GLP1R: variants seen among roughly 807,000 people sequenced by gnomAD.
The protein encoded by GLP1R is glucagon like peptide 1 receptor.
GLP1R carries 32 observed loss-of-function variants against 68.4 expected under a neutral mutation model. The ratio of observed to expected loss-of-function variants is 0.47; its 90% CI spans 0.35 to 0.63. GLP1R has a LOEUF of 0.63. GLP1R is among the 20% of genes least tolerant of loss of function. GLP1R has a pLI of 0.00. For synonymous variants in GLP1R, 263 were observed against 244.4 expected (o/e 1.08, Z -0.71); for missense variants, 502 against 594.9 (o/e 0.84, Z 1.62).
At chr6:39,081,044 G>A (rs1482034270) in intron 12 of GLP1R, among the ~76,000 whole-genome samples, 3 of 151,878 alleles carry the variant, frequency 2.0e-5, no homozygotes, top group Non-Finnish European at 4.4e-5. Flanking sequence ...GGTAGTGACT[G>A]TCACTTACAA....
intron 1 of GLP1R, among the ~76,000 whole-genome samples, chr6:39,053,608 C>T (rs971768688): frequency 4.6e-5 from 7 of 152,180 alleles, no homozygotes; most frequent in African/African-American, 1.7e-4. Context: ...CCATCCTAAG[C>T]ATTAACTCAG....
intron 5 of GLP1R, among the ~76,000 whole-genome samples, chr6:39,072,136 T>G (rs1393625618): frequency 6.6e-6 from 1 of 152,242 alleles, no homozygotes; most frequent in Non-Finnish European, 1.5e-5. Context: ...TGTCCATAGA[T>G]TTCTTGAATT....
rs1768714044 is a variant in GLP1R, at chr6:39,072,909, C to T, written c.557C>T (p.Ser186Phe). 5 of 1,614,110 alleles carry T rather than the reference C, an allele frequency of 3.1e-6. No homozygotes were observed. Among genetic ancestry groups the T allele is most frequent in the Non-Finnish European group, 3.4e-6 (4 of 1,179,930 alleles). Residue 186 changes from serine to phenylalanine, a missense_variant, in exon 6 of 13, where the codon TCC becomes TTC. Ser to Phe is a radical substitution (Grantham distance 155, BLOSUM62 -2). Transcript: ENST00000373256. ...RNYIHLNLFA[S>F]FILRALSVFI... ...TACATCCACCTGAACCTGTTTGCAT[C>T]CTTCATCCTGCGAGCATTGTCCGTC... is the stretch of plus-strand genomic sequence containing the variant.
intron 3 of GLP1R, among the ~76,000 whole-genome samples, chr6:39,059,460 G>A (rs929669189): frequency 6.6e-6 from 1 of 152,116 alleles, no homozygotes; most frequent in African/African-American, 2.4e-5. Flanking sequence ...GCCCTCTGCT[G>A]TCTGGGCACA....
At chr6:39,078,625 T>C (rs1768900819) in intron 8 of GLP1R, among the ~76,000 whole-genome samples, 1 of 151,862 alleles carries the variant, frequency 6.6e-6, no homozygotes, top group African/African-American at 2.4e-5. Flanking sequence ...CTCCTGCAGG[T>C]TTTTCTGTAA....
At chr6:39,050,175 C>G (rs1370090810) in intron 1 of GLP1R, among the ~76,000 whole-genome samples, 3 of 152,210 alleles carry the variant, frequency 2.0e-5, no homozygotes, top group East Asian at 3.9e-4. Flanking sequence ...CAACCTCCCC[C>G]TTCCAAGACA....
chr6:39,066,531 A>G (rs9296278), intron 5 of GLP1R, among the ~76,000 whole-genome samples: 68,902 of 151,868 alleles, frequency 0.45, 16,276 homozygotes, highest in Non-Finnish European at 0.51. Flanking sequence ...GTACTGCAAA[A>G]AAGAACAAAA....
intron 3 of GLP1R, among the ~76,000 whole-genome samples, chr6:39,060,078 T>G (rs1768319632): frequency 6.6e-6 from 1 of 152,084 alleles, no homozygotes; most frequent in South Asian, 2.1e-4. Context: ...ACTCCCTGAG[T>G]TACGGATGCT....
intron 3 of GLP1R, among the ~76,000 whole-genome samples, chr6:39,063,398 C>A (rs142349815): frequency 2.6e-5 from 4 of 152,332 alleles, no homozygotes; most frequent in African/African-American, 9.6e-5. Flanking sequence ...CGTGCCTCCC[C>A]TTCTCTGCCG....
intron 12 of GLP1R, among the ~76,000 whole-genome samples, chr6:39,081,806 C>T (rs1329806052): frequency 6.6e-6 from 1 of 152,218 alleles, no homozygotes; most frequent in Non-Finnish European, 1.5e-5. Context: ...AGCTGTGTGA[C>T]TTTGCCTAAG....
At chr6:39,063,107 C>T (rs1768390845) in intron 3 of GLP1R, among the ~76,000 whole-genome samples, 1 of 152,212 alleles carries the variant, frequency 6.6e-6, no homozygotes, top group Non-Finnish European at 1.5e-5. Context: ...CCTGTGGTTC[C>T]ATGGCTGTGT....
chr6:39,080,560 C>T (rs896754369), intron 11 of GLP1R, 138 bp from the exon 12 acceptor site: 1 of 601,378 alleles, frequency 1.7e-6, no homozygotes, highest in African/African-American at 1.9e-5. Flanking sequence ...GCCACTGCCC[C>T]ATTCCTGGAT....
chr6:39,083,276 T>A (rs1769056657), intron 12 of GLP1R, among the ~76,000 whole-genome samples: 1 of 152,168 alleles, frequency 6.6e-6, no homozygotes. Flanking sequence ...CTGAGACTCC[T>A]CATGCCCTGG....
At chr6:39,080,364 A>G (rs2150837035) in intron 11 of GLP1R, among the ~76,000 whole-genome samples, 1 of 152,348 alleles carries the variant, frequency 6.6e-6, no homozygotes, top group African/African-American at 2.4e-5. Context: ...TCACTGGATC[A>G]GGCCTCCTCA....
chr6:39,065,394 C>T (rs1032801486), intron 3 of GLP1R, among the ~76,000 whole-genome samples: 3 of 152,184 alleles, frequency 2.0e-5, no homozygotes, highest in African/African-American at 7.2e-5. Context: ...AAACTCCTGT[C>T]ATCTCAAAGG....
At chr6:39,069,058 A>T (rs9357298) in intron 5 of GLP1R, among the ~76,000 whole-genome samples, 69,080 of 151,982 alleles carry the variant, frequency 0.45, 16,371 homozygotes, top group Non-Finnish European at 0.51. Context: ...ATTTTGCTAT[A>T]AGCAGTCAAG....
rs1002218911 is a variant in GLP1R, at chr6:39,087,147, T to C, written c.*1074T>C. 6 of 152,368 alleles carry C rather than the reference T, an allele frequency of 3.9e-5. No individual in the cohort carries two copies. Among genetic ancestry groups the C allele is most frequent in the Admixed American group, 1.3e-4 (2 of 15,304 alleles). 9.4% of individuals were successfully genotyped at this position (152,368 alleles called of 1,614,324 possible). On this transcript the variant is annotated 3_prime_UTR_variant, in exon 13 of 13. Transcript: ENST00000373256. ...CCCCCTGCCTTTGAAATTCCCCCAC[T>C]TGGGAGCTTGTATATACTTCACTCA...
chr6:39,081,957 T>C (rs1184527901), intron 12 of GLP1R, among the ~76,000 whole-genome samples: 1 of 152,208 alleles, frequency 6.6e-6, no homozygotes, highest in African/African-American at 2.4e-5. Context: ...AGGCCCATCC[T>C]AGCTCCTCAC....
intron 7 of GLP1R, among the ~76,000 whole-genome samples, chr6:39,074,070 C>G (rs889524324): frequency 2.0e-5 from 3 of 152,136 alleles, no homozygotes; most frequent in Non-Finnish European, 4.4e-5. Flanking sequence ...CTCTTAAGAC[C>G]ACATGGGGAC....
Sources: allele counts gnomAD v4.1 joint callset (sites outside exome capture counted in the v4.1 genomes callset), GRCh38; gene constraint gnomAD v4.1.1; transcripts MANE v1.5; gene names NCBI Gene and HGNC (gene_info 2026-07-23, HGNC 2026-07-21).